Variants in CFDP1 observed in about 807,000 individuals in gnomAD.
The protein encoded by CFDP1 is chromatin remodeling protein CFDP1.
In CFDP1, 31 loss-of-function variants were observed where a neutral mutation model predicts 40.1. The ratio of observed to expected loss-of-function variants is 0.77; its 90% CI spans 0.58 to 1.04. The LOEUF is 1.04. Ranked by LOEUF, CFDP1 falls within the 50% of genes least tolerant of loss-of-function variation. The pLI, the probability that CFDP1 is intolerant of heterozygous loss-of-function variation, is 0.00. For missense variants in CFDP1, 423 were observed against 343.4 expected, an observed-to-expected ratio of 1.23 and a Z score of -1.83; for synonymous variants, 167 against 120.0, an observed-to-expected ratio of 1.39 and a Z score of -2.56.
rs75511445 is a variant in CFDP1, at chr16:75,433,325, A to G, written c.28T>C (p.Ser10Pro). The G allele has an allele frequency of 2.3e-3, 3,744 of 1,602,088 alleles. 9 individuals carry two copies. Among genetic ancestry groups the G allele is most frequent in the Non-Finnish European group, 2.9e-3 (3,458 of 1,175,050 alleles). The change falls in exon 1 of 7, where the codon TCT becomes CCT. Residue 10 changes from serine (S) to proline (P), a missense_variant. Ser to Pro is a moderately conservative substitution (Grantham distance 74). Coordinates refer to ENST00000283882, the MANE Select transcript of CFDP1 (RefSeq NM_006324.3). MEEFDSEDF[S>P]TSEEDEDYVP... ...TAGTCCTCGTCCTCCTCCGACGTAG[A>G]GAAGTCTTCGGAGTCGAATTCCTCC... is the stretch of plus-strand genomic sequence containing the variant.
intron 5 of CFDP1, among the ~76,000 whole-genome samples, chr16:75,332,662 CCT>C (rs1429663394): frequency 6.6e-6 from 1 of 151,108 alleles, no homozygotes; most frequent in Non-Finnish European, 1.5e-5. Flanking sequence ...GCAAGAAAAC[CCT>C]GTCTTGGGGA....
At chr16:75,372,304 C>T (rs986337304) in intron 5 of CFDP1, 2 of 152,084 alleles carry the variant, frequency 1.3e-5, no homozygotes, top group African/African-American at 4.8e-5. Context: ...TAACAAAATT[C>T]GGATATATAT....
At chr16:75,375,434 T>G (rs76192532) in intron 5 of CFDP1, among the ~76,000 whole-genome samples, 5,163 of 152,312 alleles carry the variant, frequency 0.034, 124 homozygotes, top group Non-Finnish European at 0.055. Flanking sequence ...GTCATTATTA[T>G]TAGTTTTCAG....
At chr16:75,358,459 T>C (rs1247180211) in intron 5 of CFDP1, among the ~76,000 whole-genome samples, 2 of 133,544 alleles carry the variant, frequency 1.5e-5, no homozygotes, top group African/African-American at 5.2e-5. Context: ...GTAAAATAAA[T>C]ATTTTACATA....
intron 4 of CFDP1, among the ~76,000 whole-genome samples, chr16:75,401,727 G>A (rs1356011095): frequency 6.6e-6 from 1 of 151,404 alleles, no homozygotes; most frequent in Non-Finnish European, 1.5e-5. Flanking sequence ...GGTAATGCAT[G>A]TTTGGTTTTG....
At chr16:75,367,097 G>C (rs1158020025) in intron 5 of CFDP1, among the ~76,000 whole-genome samples, 1 of 147,952 alleles carries the variant, frequency 6.8e-6, no homozygotes, top group Non-Finnish European at 1.5e-5. Context: ...CTGGGAGACA[G>C]AGGTTGCAGC....
chr16:75,315,273 C>T lies in CFDP1; in HGVS notation c.651-10091G>A, dbSNP rs116368094. 1.6e-3 allele frequency among the ~76,000 whole-genome samples: 204 copies of T among 123,922 alleles called. 1 individual carries two copies. The highest frequency in any genetic ancestry group is 5.9e-3 in the African/African-American group (197 of 33,540). 81.3% of individuals were successfully genotyped at this position (123,922 alleles called of 152,430 possible). A position where few individuals can be genotyped will look rare whatever the true frequency, so the allele number is the denominator to read the frequency against. The stretch of plus-strand genomic sequence containing the variant: ...CTTGAGAACGGGAGGCGGAGGTTGC[C>T]GTGAGCAGAGATCATGCCACTACAC... On this transcript the variant is annotated intron_variant, in intron 5 of 6. Transcript: ENST00000283882.
intron 5 of CFDP1, among the ~76,000 whole-genome samples, chr16:75,318,815 A>C (rs751760635): frequency 1.3e-5 from 2 of 152,136 alleles, no homozygotes; most frequent in Non-Finnish European, 2.9e-5. Flanking sequence ...TATTAACATA[A>C]ATTTTAAATT....
At chr16:75,384,675 G>T (rs1024175801) in intron 5 of CFDP1, among the ~76,000 whole-genome samples, 4 of 151,772 alleles carry the variant, frequency 2.6e-5, no homozygotes, top group African/African-American at 9.7e-5. Flanking sequence ...ATTAATAACT[G>T]TAAAATTTGG....
intron 3 of CFDP1, 152 bp downstream of exon 3, chr16:75,412,383 G>A: frequency 2.8e-6 from 2 of 715,192 alleles, no homozygotes; most frequent in South Asian, 3.5e-5. Context: ...TACATGATTA[G>A]AGAAGCTTAT....
At chr16:75,344,212 G>A (rs1343416977) in intron 5 of CFDP1, among the ~76,000 whole-genome samples, 1 of 152,160 alleles carries the variant, frequency 6.6e-6, no homozygotes, top group Non-Finnish European at 1.5e-5. Context: ...GTATATACAA[G>A]GCTTTGAGGG....
rs115638605 is a variant in CFDP1 at position 75,368,743 on chromosome 16, G to C, written c.650+26347C>G. ...GTCAGCCTCAACCTCCTAGGCTCAC[G>C]CAATCCTCCCACTTCAGCATTCTGA... On this transcript the variant is annotated intron_variant, in intron 5 of 6. Coordinates refer to ENST00000283882, the MANE Select transcript of CFDP1 (RefSeq NM_006324.3). 7.5e-3 allele frequency among the ~76,000 whole-genome samples: 1,131 copies of C among 151,464 alleles called. 16 individuals carry two copies. The highest frequency in any genetic ancestry group is 0.026 in the African/African-American group (1,086 of 41,272).
chr16:75,392,726 A>G (rs2078962400), intron 5 of CFDP1, among the ~76,000 whole-genome samples: 1 of 151,914 alleles, frequency 6.6e-6, no homozygotes, highest in South Asian at 2.1e-4. Context: ...AACAGTATTT[A>G]CTCCTACTAC....
chr16:75,411,815 G>C lies in CFDP1; in HGVS notation c.530+10C>G. 2 of 1,605,096 alleles carry C rather than the reference G, an allele frequency of 1.2e-6. No individual in the cohort carries two copies. Among genetic ancestry groups the C allele is most frequent in the East Asian group, 4.5e-5 (2 of 44,716 alleles). On this transcript the variant is annotated intron_variant, in intron 4 of 6. Coordinates refer to ENST00000283882, the MANE Select transcript of CFDP1 (RefSeq NM_006324.3). ...AATGCTAGTTTCAAAGTTTTTGAAG[G>C]TTCTCTTACCTTACTTCTTCACCAG...
intron 4 of CFDP1, among the ~76,000 whole-genome samples, chr16:75,398,905 A>C (rs2079022284): frequency 1.3e-5 from 2 of 152,038 alleles, no homozygotes; most frequent in East Asian, 3.9e-4. Flanking sequence ...AATACAAAAA[A>C]AATTAGCCAG....
At chr16:75,390,181 T>C (rs1269997370) in intron 5 of CFDP1, among the ~76,000 whole-genome samples, 1 of 152,232 alleles carries the variant, frequency 6.6e-6, no homozygotes, top group African/African-American at 2.4e-5. Flanking sequence ...AGGTAGCTCC[T>C]GGTTGGCCCC....
intron 5 of CFDP1, among the ~76,000 whole-genome samples, chr16:75,355,637 G>A (rs143191941): frequency 1.3e-5 from 2 of 152,284 alleles, no homozygotes; most frequent in East Asian, 3.9e-4. Flanking sequence ...TAATCTCCAT[G>A]TGTCAAAGGC....
chr16:75,326,250 T>G (rs1239870888), intron 5 of CFDP1, among the ~76,000 whole-genome samples: 1 of 152,206 alleles, frequency 6.6e-6, no homozygotes. Flanking sequence ...TGCTTTTGTT[T>G]GTTTGGTTTT....
At chr16:75,334,010 G>A (rs2078467168) in intron 5 of CFDP1, among the ~76,000 whole-genome samples, 1 of 152,130 alleles carries the variant, frequency 6.6e-6, no homozygotes, top group Non-Finnish European at 1.5e-5. Context: ...TTCAGTGACT[G>A]AGACACAGAG....
Sources: gnomAD v4.1 joint callset for allele counts (sites outside exome capture counted in the v4.1 genomes callset) on GRCh38, gnomAD v4.1.1 for gene constraint, MANE v1.5 for transcripts, NCBI Gene and HGNC (gene_info 2026-07-23, HGNC 2026-07-21) for gene names.